SCAPER: variants seen among roughly 807,000 people sequenced by gnomAD.
The protein encoded by SCAPER is S-phase cyclin A associated protein in the ER.
A neutral mutation model predicts 182.2 loss-of-function variants in SCAPER; 98 were observed. The ratio of observed to expected loss-of-function variants is 0.54; its 90% CI spans 0.46 to 0.64. The LOEUF (loss-of-function observed/expected upper bound fraction) is 0.64, where lower values mean the gene tolerates loss of function less well. SCAPER is among the 30% of genes least tolerant of loss of function. SCAPER has a pLI of 0.00. For synonymous variants in SCAPER, 605 were observed against 564.6 expected, an observed-to-expected ratio of 1.07 and a Z score of -1.01; for missense variants, 1,432 against 1,690.0, an observed-to-expected ratio of 0.85 and a Z score of 2.68.
intron 27 of SCAPER, among the ~76,000 whole-genome samples, chr15:76,387,799 A>C (rs570222143): frequency 1.3e-5 from 2 of 152,354 alleles, no homozygotes; most frequent in South Asian, 4.1e-4. Context: ...AAATGACTTA[A>C]GTCTTATTTT....
At chr15:76,790,293 T>C (rs542321881) in intron 8 of SCAPER, among the ~76,000 whole-genome samples, 9 of 152,328 alleles carry the variant, frequency 5.9e-5, no homozygotes, top group Admixed American at 4.6e-4. Flanking sequence ...TTGTTAGATT[T>C]TGATATTAAG....
Position 76,790,579 on chromosome 15 carries a change from T to C in SCAPER, c.772+4701A>G, listed in dbSNP as rs964402389. ...CTTTTGTTTTTCCAAATTTAGTATA[T>C]AATACTCATAAAAATCCTCATCTTT... On this transcript the variant is annotated intron_variant, in intron 8 of 31. Transcript: ENST00000563290. Among the ~76,000 whole-genome samples the C allele has an allele frequency of 2.0e-5, 3 of 152,314 alleles. No individual in the cohort carries two copies. In the East Asian group the frequency reaches 5.8e-4, roughly 29 times the overall value.
chr15:76,886,430 A>C (rs1181713050), intron 1 of SCAPER, among the ~76,000 whole-genome samples: 3 of 152,178 alleles, frequency 2.0e-5, no homozygotes, highest in East Asian at 3.9e-4. Flanking sequence ...CAGTGAGCCA[A>C]GGTTGTGCCA....
At chr15:76,895,242 A>AT (rs2152613123) in intron 1 of SCAPER, among the ~76,000 whole-genome samples, 1 of 149,574 alleles carries the variant, frequency 6.7e-6, no homozygotes, top group African/African-American at 2.6e-5. Context: ...AAATTAACAC[A>AT]TGAGATACAC....
chr15:76,376,245 AG>A lies in SCAPER; in HGVS notation c.3771del (p.Cys1258AlafsTer29), dbSNP rs754930859. 1 of 1,614,026 alleles carries A rather than the reference AG, an allele frequency of 6.2e-7. No individual in the cohort carries two copies. Among genetic ancestry groups the A allele is most frequent in the South Asian group, 1.1e-5 (1 of 91,078 alleles). ...AGGCTTTCACAGGAGACTTGGCTGC[AG>A]TGGCCCAGCAGGGAGCTGGCCATGT... ...FRHMASSLLG[H>X]CSQVSCESLL... is the part of the protein sequence containing the mutation. On this transcript the variant is annotated frameshift_variant, in exon 29 of 32. Coordinates refer to ENST00000563290, the MANE Select transcript of SCAPER (RefSeq NM_020843.4). LOFTEE classifies it high-confidence loss of function.
At chr15:76,743,656 CA>C (rs1198810278) in intron 15 of SCAPER, among the ~76,000 whole-genome samples, 5 of 151,972 alleles carry the variant, frequency 3.3e-5, no homozygotes, top group African/African-American at 1.2e-4. Context: ...AGAGATGACA[CA>C]AACAGAAAAA....
intron 4 of SCAPER, among the ~76,000 whole-genome samples, chr15:76,846,586 G>A (rs542015666): frequency 2.8e-4 from 42 of 152,140 alleles, no homozygotes; most frequent in African/African-American, 8.9e-4. Context: ...ATGGCAAACA[G>A]GCATATGAAA....
intron 24 of SCAPER, among the ~76,000 whole-genome samples, chr15:76,481,448 C>G (rs987010301): frequency 6.6e-5 from 10 of 151,890 alleles, no homozygotes; most frequent in Non-Finnish European, 1.2e-4. Flanking sequence ...GTGTAACAGG[C>G]AACAATGAAA....
chr15:76,711,918 C>T (rs2059602268), intron 17 of SCAPER, among the ~76,000 whole-genome samples: 1 of 152,126 alleles, frequency 6.6e-6, no homozygotes, highest in South Asian at 2.1e-4. Flanking sequence ...GTTTCTTTTG[C>T]TGTGCAGAAG....
intron 26 of SCAPER, among the ~76,000 whole-genome samples, chr15:76,433,509 C>A (rs1178626414): frequency 6.6e-6 from 1 of 152,016 alleles, no homozygotes; most frequent in African/African-American, 2.4e-5. Context: ...AAAACAACAA[C>A]AACAACAACA....
chr15:76,577,222 G>C (rs1249971152), intron 22 of SCAPER, among the ~76,000 whole-genome samples: 1 of 152,102 alleles, frequency 6.6e-6, no homozygotes, highest in East Asian at 1.9e-4. Context: ...GAGGCAAGCG[G>C]ATTGCTTGGG....
chr15:76,873,412 T>G, intron 2 of SCAPER, among the ~76,000 whole-genome samples: 1 of 149,308 alleles, frequency 6.7e-6, no homozygotes, highest in Non-Finnish European at 1.5e-5. Flanking sequence ...CACTAAAAAA[T>G]AATAATACAT....
chr15:76,898,387 T>C (rs1305806306), intron 1 of SCAPER, among the ~76,000 whole-genome samples: 2 of 152,230 alleles, frequency 1.3e-5, no homozygotes, highest in Non-Finnish European at 2.9e-5. Flanking sequence ...CCAGCAATTC[T>C]ATTCCTAGGT....
intron 29 of SCAPER, among the ~76,000 whole-genome samples, chr15:76,356,086 A>G (rs1255658134): frequency 6.6e-6 from 1 of 152,210 alleles, no homozygotes; most frequent in Middle Eastern, 3.2e-3. Context: ...GTTATGAGCC[A>G]GAATGGGACA....
chr15:76,419,443 G>C (rs1267100688), intron 26 of SCAPER, among the ~76,000 whole-genome samples: 3 of 151,908 alleles, frequency 2.0e-5, no homozygotes, highest in African/African-American at 7.3e-5. Flanking sequence ...ATTCTCGGCC[G>C]GGCACGGTGG....
chr15:76,738,799 A>T (rs1273682038), intron 15 of SCAPER, among the ~76,000 whole-genome samples: 1 of 152,154 alleles, frequency 6.6e-6, no homozygotes, highest in Non-Finnish European at 1.5e-5. Context: ...TCACCATAAT[A>T]AATATAATAA....
intron 27 of SCAPER, among the ~76,000 whole-genome samples, chr15:76,398,455 A>T (rs1000972927): frequency 6.6e-6 from 1 of 152,222 alleles, no homozygotes; most frequent in Non-Finnish European, 1.5e-5. Context: ...CAATCCTAGC[A>T]CAGGGCCTGG....
chr15:76,360,308 T>G (rs2041310883), intron 29 of SCAPER, among the ~76,000 whole-genome samples: 1 of 152,196 alleles, frequency 6.6e-6, no homozygotes, highest in African/African-American at 2.4e-5. Flanking sequence ...CTACCTACAT[T>G]ATCCAAGTCT....
At chr15:76,399,510 T>C (rs16968200) in intron 27 of SCAPER, among the ~76,000 whole-genome samples, 3,243 of 152,302 alleles carry the variant, frequency 0.021, 107 homozygotes, top group African/African-American at 0.067. Context: ...TTGTTAACAA[T>C]ATTAAAATTC....
Sources: allele counts gnomAD v4.1 joint callset (sites outside exome capture counted in the v4.1 genomes callset), GRCh38; gene constraint gnomAD v4.1.1; transcripts MANE v1.5; gene names NCBI Gene and HGNC (gene_info 2026-07-23, HGNC 2026-07-21).